RNF213: variants seen among roughly 807,000 people sequenced by gnomAD.
RNF213 encodes the protein ring finger protein 213.
In RNF213, 341 loss-of-function variants were observed where a neutral mutation model predicts 514.4. The ratio of observed to expected loss-of-function variants is 0.66; its 90% CI spans 0.61 to 0.73. RNF213 has a LOEUF of 0.73. Ranked by LOEUF, RNF213 falls within the 30% of genes least tolerant of loss-of-function variation. RNF213 has a pLI of 0.00. For synonymous variants in RNF213, 2,655 were observed against 2,658.2 expected (o/e 1.00, Z 0.04); for missense variants, 5,767 against 6,615.6 (o/e 0.87, Z 4.45).
At position 80,363,264 on chromosome 17, in the gene RNF213, C is replaced by T; in HGVS notation, c.11518C>T (p.His3840Tyr). ...CCTGACCATCTACCCTCAGGTTCTCCACAGCCTGATGGAAGCCCGTTGGAA... is the reference window on the plus strand; with the variant it reads ...CCTGACCATCTACCCTCAGGTTCTCTACAGCCTGATGGAAGCCCGTTGGAA... ...RILTIYPQVL[H>Y]SLMEARWNHE... is the part of the protein sequence containing the mutation. Residue 3840 changes from histidine (H) to tyrosine (Y), a missense_variant, in exon 40 of 68, where the codon CAC becomes TAC. Coordinates refer to ENST00000582970, the MANE Select transcript of RNF213 (RefSeq NM_001256071.3). 6.2e-7 allele frequency: 1 copy of T among 1,614,114 alleles called. No homozygotes were observed. Among genetic ancestry groups the T allele is most frequent in the Non-Finnish European group, 8.5e-7 (1 of 1,180,032 alleles).
chr17:80,388,612 G>A lies in RNF213; in HGVS notation c.14923G>A (p.Gly4975Arg), dbSNP rs2049354068. Residue 4975 changes from glycine (G) to arginine (R), a missense_variant and splice_region_variant, in exon 64 of 68, where the codon GGA (glycine) becomes AGA (arginine). Physicochemically the swap from Gly to Arg is moderately radical, Grantham distance 125. Around this residue, in one of 13 missense-constraint regions of RNF213, gnomAD observed 1,245 missense variants for 1,339.0 expected, o/e 0.93. Transcript: ENST00000582970. ...AAAACTTTTTTCTTTCCCAATTTAG[G>A]GAATACCCACTCTGGTGTACAGACA... The part of the protein sequence containing the change: ...LQGKPRLSLK[G>R]IPTLVYRHDW... 1 of 1,605,324 alleles carries A rather than the reference G, an allele frequency of 6.2e-7. No individual in the cohort carries two copies. The highest frequency in any genetic ancestry group is 2.2e-5 in the East Asian group (1 of 44,824).
At chr17:80,356,456 G>A (rs988301823) in intron 36 of RNF213, among the ~76,000 whole-genome samples, 13 of 152,366 alleles carry the variant, frequency 8.5e-5, no homozygotes, top group Admixed American at 2.0e-4. Flanking sequence ...CAGCCGCTGA[G>A]TGGTGGCCAG....
At chr17:80,391,016 C>A (rs548702600) in intron 67 of RNF213, among the ~76,000 whole-genome samples, 1 of 152,120 alleles carries the variant, frequency 6.6e-6, no homozygotes, top group East Asian at 1.9e-4. Flanking sequence ...GAGCTGAGAT[C>A]GCACCACTGC....
Position 80,353,933 on chromosome 17 carries a change from T to G in RNF213, c.10579-86T>G. On this transcript the variant is annotated intron_variant, in intron 34 of 67. Coordinates refer to ENST00000582970, the MANE Select transcript of RNF213 (RefSeq NM_001256071.3). This position sits in a 1 kb window ranked among gnomAD's most constrained non-coding sequence, Gnocchi z 5.0. Reference sequence around the variant, plus strand: ...CGCCGCCCTGTGCTGTTTGCTGCATTGAGACCCTCATCGCATACGGGCGGT... The same window carrying G: ...CGCCGCCCTGTGCTGTTTGCTGCATGGAGACCCTCATCGCATACGGGCGGT... The G allele has an allele frequency of 2.6e-6, 4 of 1,554,796 alleles. No homozygotes were observed. The highest frequency in any genetic ancestry group is 2.7e-6 in the Non-Finnish European group (3 of 1,131,930).
chr17:80,269,193 G>T (rs900036652), intron 2 of RNF213, among the ~76,000 whole-genome samples: 8 of 152,048 alleles, frequency 5.3e-5, no homozygotes, highest in Non-Finnish European at 1.2e-4. Flanking sequence ...ATAGAGGGTG[G>T]GTCTTCCTCT....
At position 80,332,432 on chromosome 17, in the gene RNF213, C is replaced by T. The variant is rs149676075; in HGVS notation, c.3944C>T (p.Thr1315Met). ...VIFKDFVNKY[T>M]DLDSELKIMC... ...TTCAAGGACTTTGTGAATAAATACACGGACCTGGATTCAGAACTTAAGATC... is the reference window on the plus strand; with the variant it reads ...TTCAAGGACTTTGTGAATAAATACATGGACCTGGATTCAGAACTTAAGATC... Residue 1315 changes from threonine to methionine, a missense_variant, in exon 21 of 68, where the codon ACG becomes ATG. Physicochemically the swap from Thr to Met is moderately conservative, Grantham distance 81. Coordinates refer to ENST00000582970, the MANE Select transcript of RNF213 (RefSeq NM_001256071.3). 4.6e-6 allele frequency: 7 copies of T among 1,537,162 alleles called. No homozygotes were observed. The Admixed American group carries it at 5.9e-5, about 13-fold the overall frequency.
At chr17:80,392,995 T>C (rs951415247) in intron 67 of RNF213, among the ~76,000 whole-genome samples, 5 of 151,560 alleles carry the variant, frequency 3.3e-5, no homozygotes, top group African/African-American at 1.2e-4. Context: ...AGCCTTTTTT[T>C]TTGAGACAGG....
At chr17:80,313,867 TGAA>T (rs1276845966) in intron 15 of RNF213, among the ~76,000 whole-genome samples, 2 of 74,232 alleles carry the variant, frequency 2.7e-5, no homozygotes, top group Non-Finnish European at 5.8e-5. Context: ...ATGGTGGTGG[TGAA>T]GGTGATGGTG....
intron 3 of RNF213, among the ~76,000 whole-genome samples, chr17:80,279,964 G>A (rs1024280178): frequency 4.6e-5 from 7 of 152,160 alleles, no homozygotes; most frequent in Admixed American, 2.6e-4. Context: ...TGCCTTCCCC[G>A]CACCGCGCTC....
At chr17:80,369,950 C>T (rs1179546392) in intron 46 of RNF213, 83 bp downstream of exon 46, 26 of 941,456 alleles carry the variant, frequency 2.8e-5, no homozygotes, top group Admixed American at 6.8e-5. Context: ...GTCTTCTTGT[C>T]GTGACTAGTA....
chr17:80,293,089 G>A (rs1383709570), intron 8 of RNF213, among the ~76,000 whole-genome samples: 3 of 151,544 alleles, frequency 2.0e-5, no homozygotes, highest in African/African-American at 7.3e-5. Context: ...ACAGGATCTC[G>A]CTCTGTCACC....
At chr17:80,287,033 C>T (rs2044495925) in intron 3 of RNF213, among the ~76,000 whole-genome samples, 1 of 152,182 alleles carries the variant, frequency 6.6e-6, no homozygotes, top group Non-Finnish European at 1.5e-5. Context: ...TATAGAGGTG[C>T]ATAAAACGTG....
intron 36 of RNF213, 53 bp downstream of exon 36, chr17:80,354,629 G>C (rs1178137029): frequency 3.7e-6 from 6 of 1,606,210 alleles, no homozygotes; most frequent in Non-Finnish European, 5.1e-6. Context: ...GCAGCATGGG[G>C]ACCTGCCTGC....
chr17:80,359,343 T>C (rs1308113796), intron 37 of RNF213, among the ~76,000 whole-genome samples: 1 of 151,732 alleles, frequency 6.6e-6, no homozygotes, highest in Non-Finnish European at 1.5e-5. Context: ...TTGGGCAACA[T>C]AGTGAGACCC....
In RNF213 at chr17:80,288,654, C is replaced by T. The variant is rs1252402141; in HGVS notation, c.832C>T (p.Pro278Ser). The change falls in exon 5 of 68, where the codon CCA (proline) becomes TCA (serine). Residue 278 changes from proline (P) to serine (S), a missense_variant. By Grantham distance (74) the Pro-to-Ser change is moderately conservative (BLOSUM62 -1). Coordinates refer to ENST00000582970, the MANE Select transcript of RNF213 (RefSeq NM_001256071.3). The surrounding 1 kb of genome is among the most constrained non-coding windows in gnomAD (Gnocchi z 4.9). The part of the protein sequence containing the change: ...ASMAVDAVAE[P>S]ANAVKGAGKE... The stretch of plus-strand genomic sequence containing the variant: ...TCAGGCAGTTGATGCTGTAGCTGAG[C>T]CAGCCAATGCAGTTAAAGGGGCCGG... 5 of 1,614,030 alleles carry T rather than the reference C, an allele frequency of 3.1e-6. No individual in the cohort carries two copies. Among genetic ancestry groups the T allele is most frequent in the Non-Finnish European group, 4.2e-6 (5 of 1,180,044 alleles).
intron 15 of RNF213, among the ~76,000 whole-genome samples, chr17:80,315,182 G>A (rs1294930870): frequency 4.8e-5 from 1 of 20,968 alleles, no homozygotes; most frequent in Non-Finnish European, 7.9e-5. Context: ...TGATGGTGGT[G>A]GACGTGATGG....
intron 52 of RNF213, 144 bp from the exon 53 acceptor site, chr17:80,376,738 G>A: frequency 9.0e-7 from 1 of 1,110,272 alleles, no homozygotes; most frequent in Non-Finnish European, 1.3e-6. Flanking sequence ...ACAGGAAGCT[G>A]TTCTGTTTTC....
At chr17:80,390,975 T>C (rs966049002) in intron 67 of RNF213, among the ~76,000 whole-genome samples, 3 of 152,072 alleles carry the variant, frequency 2.0e-5, no homozygotes, top group African/African-American at 4.8e-5. Flanking sequence ...GGCAGGAGAA[T>C]TGCTTTAACC....
chr17:80,364,697 C>T, intron 42 of RNF213, 144 bp downstream of exon 42: 2 of 903,402 alleles, frequency 2.2e-6, no homozygotes, highest in East Asian at 2.6e-5. Context: ...GTGATTTCAT[C>T]ACTAGGCCAT....
Sources: allele counts gnomAD v4.1 joint callset (sites outside exome capture counted in the v4.1 genomes callset), GRCh38; gene constraint gnomAD v4.1.1; regional missense constraint gnomAD v4.1.1; non-coding constraint Gnocchi (gnomAD v3.1); transcripts MANE v1.5; gene names NCBI Gene and HGNC (gene_info 2026-07-23, HGNC 2026-07-21).